The following PPFIA4 variants were observed in gnomAD, a reference collection of about 807,000 sequenced individuals.
The protein encoded by PPFIA4 is PPFI scaffold protein A4.
A neutral mutation model predicts 145.7 loss-of-function variants in PPFIA4; 98 were observed. That is an observed-to-expected ratio of 0.67 (90% CI 0.57 to 0.80). The LOEUF (loss-of-function observed/expected upper bound fraction) is 0.80. PPFIA4 is among the 30% of genes least tolerant of loss of function. The pLI is 0.00. For synonymous variants in PPFIA4, 628 were observed against 649.6 expected (o/e 0.97, Z 0.51); for missense variants, 1,457 against 1,632.7 (o/e 0.89, Z 1.85).
chr1:203,067,797 G>A lies in PPFIA4; in HGVS notation c.3148+5G>A. On this transcript the variant is annotated splice_donor_5th_base_variant and intron_variant, in intron 26 of 29. Coordinates refer to ENST00000295706, the MANE Select transcript of PPFIA4 (RefSeq NM_001304331.2). Reference sequence around the variant, plus strand: ...AGAGCCAGCATGAGATCAAGGGTAAGCTCGTCAGGCTTGGAGAGGGTTCGG... The same window carrying A: ...AGAGCCAGCATGAGATCAAGGGTAAACTCGTCAGGCTTGGAGAGGGTTCGG... 1 of 1,613,474 alleles carries A rather than the reference G, an allele frequency of 6.2e-7. No individual in the cohort carries two copies. Among genetic ancestry groups the A allele is most frequent in the Non-Finnish European group, 8.5e-7 (1 of 1,179,774 alleles).
rs915599024 is a variant in PPFIA4, at chr1:203,068,763, C to T, written c.3324+135C>T. ...TTCTAGGGCCTATGCCAGAGGGGAT[C>T]GCAATGTCCTCAATTCTCCAAGTGA... On this transcript the variant is annotated intron_variant, in intron 27 of 29. Transcript: ENST00000295706. The surrounding 1 kb of genome is among the most constrained non-coding windows in gnomAD (Gnocchi z 4.7). The T allele has an allele frequency of 4.6e-5, 41 of 897,286 alleles. No homozygotes were observed. In the South Asian group the frequency reaches 6.4e-4, roughly 14 times the overall value. The allele number at this position is 897,286 out of a possible 1,614,324, so 55.6% of individuals were successfully genotyped here.
At chr1:203,067,450 C>T in intron 25 of PPFIA4, 2 of 448,542 alleles carry the variant, frequency 4.5e-6, no homozygotes, top group Non-Finnish European at 8.0e-6. Context: ...CTTTTTTTCC[C>T]ATCAATCCAT....
rs902480624 is a variant in PPFIA4 at position 203,043,584 on chromosome 1, G to A, written c.336+86G>A. The A allele has an allele frequency of 4.8e-6, 6 of 1,241,554 alleles. No homozygotes were observed. The highest frequency in any genetic ancestry group is 1.9e-4 in the Middle Eastern group (1 of 5,350). 76.9% of individuals were successfully genotyped at this position (1,241,554 alleles called of 1,614,324 possible). A position where few individuals can be genotyped will look rare whatever the true frequency, so the allele number is the denominator to read the frequency against. ...TGTTGTGAACACCTTGACCAAGAGAGCAGGCAAGAGTGGGGCCAGGCACAG... is the reference window on the plus strand; with the variant it reads ...TGTTGTGAACACCTTGACCAAGAGAACAGGCAAGAGTGGGGCCAGGCACAG... On this transcript the variant is annotated intron_variant, in intron 3 of 29. Transcript: ENST00000295706. This position sits in a 1 kb window ranked among gnomAD's most constrained non-coding sequence, Gnocchi z 4.4.
At chr1:203,038,290 G>A (rs563982610) in intron 1 of PPFIA4, among the ~76,000 whole-genome samples, 5 of 152,280 alleles carry the variant, frequency 3.3e-5, no homozygotes, top group Admixed American at 2.0e-4. Context: ...GCATCCTGCC[G>A]GCTGCTCCCC....
In PPFIA4 at chr1:203,044,765, G is replaced by C. The variant is rs759556539; in HGVS notation, c.646G>C (p.Gly216Arg). 1.7e-5 allele frequency: 27 copies of C among 1,564,532 alleles called. No homozygotes were observed. The highest frequency in any genetic ancestry group is 1.7e-4 in the Middle Eastern group (1 of 6,008). Residue 216 changes from glycine to arginine, a missense_variant, in exon 6 of 30, where the codon GGG (glycine) becomes CGG (arginine). Physicochemically the swap from Gly to Arg is moderately radical, Grantham distance 125. Around this residue, in one of 3 missense-constraint regions of PPFIA4, gnomAD observed 463 missense variants for 459.8 expected, o/e 1.01. Transcript: ENST00000295706. ...AGAAGAGGAGGGGACTGTGGAGCTG[G>C]GGCCGAAACGCCTGTGGAAGGTAGG... ...AAEEEGTVEL[G>R]PKRLWKEDTG...
Position 203,060,368 on chromosome 1 carries a change from A to G in PPFIA4, c.2735A>G (p.Gln912Arg), listed in dbSNP as rs768740185. The change falls in exon 22 of 30, where the codon CAG (glutamine) becomes CGG (arginine). Residue 912 changes from glutamine to arginine, a missense_variant. Gln to Arg is a conservative substitution (Grantham distance 43, BLOSUM62 1). Transcript: ENST00000295706. The surrounding 1 kb of genome is among the most constrained non-coding windows in gnomAD (Gnocchi z 4.8). ...CGGCTCAAGCTCCGCCTGGCCATTC[A>G]GGAGATGGTGTCATTGACCAGCCCC... is the stretch of plus-strand genomic sequence containing the variant. Reference protein sequence around the residue: ...LHRLKLRLAIQEMVSLTSPSA... With the variant: ...LHRLKLRLAIREMVSLTSPSA... 6.8e-6 allele frequency: 11 copies of G among 1,613,814 alleles called. No homozygotes were observed. Among genetic ancestry groups the G allele is most frequent in the Middle Eastern group, 1.6e-4 (1 of 6,084 alleles).
At chr1:203,037,147 C>A in intron 1 of PPFIA4, 1 of 349,006 alleles carries the variant, frequency 2.9e-6, no homozygotes, top group Admixed American at 3.2e-5. Flanking sequence ...CCTAGTCTCC[C>A]TCTTCCTTTC....
chr1:203,030,887 G>A (rs1335813079), intron 1 of PPFIA4, among the ~76,000 whole-genome samples: 1 of 152,110 alleles, frequency 6.6e-6, no homozygotes, highest in African/African-American at 2.4e-5. Context: ...CCACACATGT[G>A]TTCTCATGAC....
chr1:203,046,787 A>G lies in PPFIA4; in HGVS notation c.1140+405A>G, dbSNP rs143247413. Among the ~76,000 whole-genome samples the G allele has an allele frequency of 2.6e-3, 402 of 152,032 alleles. 2 individuals are homozygous for G. Among genetic ancestry groups the G allele is most frequent in the Admixed American group, 4.8e-3 (74 of 15,272 alleles). Reference sequence around the variant, plus strand: ...ACCTTAGAAGAGAAATGGTATATATATCCCTGAAGGGCAAAGGGGTGAGAG... The same window carrying G: ...ACCTTAGAAGAGAAATGGTATATATGTCCCTGAAGGGCAAAGGGGTGAGAG... On this transcript the variant is annotated intron_variant, in intron 9 of 29. Coordinates refer to ENST00000295706, the MANE Select transcript of PPFIA4 (RefSeq NM_001304331.2).
Position 203,048,333 on chromosome 1 carries a change from T to A in PPFIA4, c.1224+23T>A. On this transcript the variant is annotated intron_variant, in intron 10 of 29. Coordinates refer to ENST00000295706, the MANE Select transcript of PPFIA4 (RefSeq NM_001304331.2). The surrounding 1 kb of genome is among the most constrained non-coding windows in gnomAD (Gnocchi z 5.8). ...CGGGTGAGGGCACCAGGCCGGGCCC[T>A]CAGGCCCCCTCCTTCCCGCAGGACA... is the stretch of plus-strand genomic sequence containing the variant. 2 of 1,606,944 alleles carry A rather than the reference T, an allele frequency of 1.2e-6. No homozygotes were observed. The highest frequency in any genetic ancestry group is 1.7e-6 in the Non-Finnish European group (2 of 1,176,952).
At chr1:203,039,930 G>A (rs151147075) in intron 2 of PPFIA4, among the ~76,000 whole-genome samples, 65 of 152,338 alleles carry the variant, frequency 4.3e-4, no homozygotes, top group African/African-American at 1.4e-3. Context: ...GGTAGTGTGT[G>A]GTGGAGGCAG....
At chr1:203,052,540 T>C (rs1660608834) in intron 14 of PPFIA4, among the ~76,000 whole-genome samples, 1 of 152,180 alleles carries the variant, frequency 6.6e-6, no homozygotes, top group Non-Finnish European at 1.5e-5. Context: ...AGATTCACTC[T>C]GCCCTTAAGA....
intron 1 of PPFIA4, among the ~76,000 whole-genome samples, chr1:203,030,743 A>G (rs564583482): frequency 1.2e-4 from 18 of 152,230 alleles, no homozygotes; most frequent in African/African-American, 3.9e-4. Context: ...GCAGCAATAC[A>G]CTTTCATGAT....
chr1:203,071,714 A>G lies in PPFIA4; in HGVS notation c.3347A>G (p.Glu1116Gly), dbSNP rs1558103763. 2.5e-6 allele frequency: 4 copies of G among 1,612,836 alleles called. No individual in the cohort carries two copies. The highest frequency in any genetic ancestry group is 2.5e-6 in the Non-Finnish European group (3 of 1,179,386). Residue 1116 changes from glutamate to glycine, a missense_variant, in exon 28 of 30, where the codon GAG (glutamate) becomes GGG (glycine). Physicochemically the swap from Glu to Gly is moderately conservative, Grantham distance 98. Coordinates refer to ENST00000295706, the MANE Select transcript of PPFIA4 (RefSeq NM_001304331.2). ...NTQARQVMER[E>G]FNNLLALGTD... Reference sequence around the variant, plus strand: ...CAGGCACGCCAAGTGATGGAAAGAGAGTTCAATAACCTGTTGGCCTTGGGC... The same window carrying G: ...CAGGCACGCCAAGTGATGGAAAGAGGGTTCAATAACCTGTTGGCCTTGGGC...
chr1:203,030,539 G>A (rs1658746029), intron 1 of PPFIA4, among the ~76,000 whole-genome samples: 1 of 152,156 alleles, frequency 6.6e-6, no homozygotes, highest in South Asian at 2.1e-4. Context: ...AGATGGGATG[G>A]CCCCAGTTCC....
chr1:203,057,719 C>G (rs968686259), intron 19 of PPFIA4, among the ~76,000 whole-genome samples: 1 of 152,216 alleles, frequency 6.6e-6, no homozygotes, highest in Non-Finnish European at 1.5e-5. Flanking sequence ...AGAGACAATT[C>G]CAGAACAACC....
intron 27 of PPFIA4, among the ~76,000 whole-genome samples, chr1:203,069,568 T>C (rs1047630799): frequency 1.1e-4 from 16 of 152,256 alleles, no homozygotes; most frequent in African/African-American, 3.9e-4. Context: ...TTGTCTGGAC[T>C]GTTTGCAGCT....
intron 1 of PPFIA4, chr1:203,037,305 C>T (rs1361660414): frequency 1.2e-5 from 2 of 173,426 alleles, no homozygotes; most frequent in African/African-American, 4.8e-5. Flanking sequence ...CCTGATGCTT[C>T]TTGTCCACCC....
At chr1:203,059,939 AGT>A (rs1661244099) in intron 21 of PPFIA4, 88 bp downstream of exon 21, 2 of 1,127,412 alleles carry the variant, frequency 1.8e-6, no homozygotes, top group Non-Finnish European at 2.6e-6. Flanking sequence ...GAACTTTTAC[AGT>A]GTGTTTCTCC....
Sources: allele counts gnomAD v4.1 joint callset (sites outside exome capture counted in the v4.1 genomes callset), GRCh38; gene constraint gnomAD v4.1.1; regional missense constraint gnomAD v4.1.1; non-coding constraint Gnocchi (gnomAD v3.1); transcripts MANE v1.5; gene names NCBI Gene and HGNC (gene_info 2026-07-23, HGNC 2026-07-21).